Variants in TUBGCP3 observed in about 807,000 individuals in gnomAD.
The protein encoded by TUBGCP3 is tubulin gamma complex component 3, also known as gamma-tubulin complex component 3.
Under a neutral mutation model 123.1 loss-of-function variants are expected in TUBGCP3, and 50 were observed. The observed-to-expected ratio is 0.41, with a 90% confidence interval of 0.32 to 0.51. The LOEUF is 0.51. Among genes scored for constraint, TUBGCP3 ranks in the 20% least tolerant of loss-of-function variants. The pLI, the probability that TUBGCP3 is intolerant of heterozygous loss-of-function variation, is 0.36. For synonymous variants in TUBGCP3, 405 were observed against 413.9 expected (o/e 0.98, Z 0.26); for missense variants, 882 against 1,127.0 (o/e 0.78, Z 3.11).
chr13:112,568,635 C>G (rs1337836815), intron 2 of TUBGCP3, among the ~76,000 whole-genome samples: 1 of 152,252 alleles, frequency 6.6e-6, no homozygotes, highest in Non-Finnish European at 1.5e-5. Flanking sequence ...AACGGGGAGG[C>G]CCCAGCAGGG....
In TUBGCP3 at chr13:112,581,187, TCA is replaced by T. The variant is rs564673107; in HGVS notation, c.76+6716_76+6717del. Among the ~76,000 whole-genome samples, 21 of 152,128 alleles carry T rather than the reference TCA, an allele frequency of 1.4e-4. No homozygotes were observed. In the East Asian group the frequency reaches 4.1e-3, roughly 29 times the overall value. The stretch of plus-strand genomic sequence containing the variant: ...TCTCTTCTCCACATCCTCTAAGGAC[TCA>T]CACCCCCCCATCTTTCTGTCCCTAT... On this transcript the variant is annotated intron_variant, in intron 1 of 21. Transcript: ENST00000261965.
At chr13:112,489,517 C>T (rs1311193797) in intron 21 of TUBGCP3, 64 bp downstream of exon 21, 3 of 1,172,366 alleles carry the variant, frequency 2.6e-6, no homozygotes, top group African/African-American at 1.5e-5. Context: ...ACTGTGAAAG[C>T]AACTGTCAGG....
At chr13:112,593,039 T>C (rs1882909437), upstream of TUBGCP3, among the ~76,000 whole-genome samples, 1 of 152,108 alleles carries the variant, frequency 6.6e-6, no homozygotes, top group African/African-American at 2.4e-5. Context: ...AGAAAGAGAT[T>C]AAAGGAATAG....
chr13:112,582,395 G>A (rs1305907517), intron 1 of TUBGCP3, among the ~76,000 whole-genome samples: 1 of 152,232 alleles, frequency 6.6e-6, no homozygotes, highest in Non-Finnish European at 1.5e-5. Context: ...TGTGATAAGA[G>A]CGTCAAAGAA....
upstream of TUBGCP3, among the ~76,000 whole-genome samples, chr13:112,588,692 G>T (rs1034068802): frequency 1.8e-4 from 28 of 152,154 alleles, 2 homozygotes; most frequent in Admixed American, 1.2e-3. Flanking sequence ...CCGAGAAAAA[G>T]ATCGATAAGC....
At chr13:112,512,030 C>T (rs1022982490) in intron 17 of TUBGCP3, among the ~76,000 whole-genome samples, 1 of 152,224 alleles carries the variant, frequency 6.6e-6, no homozygotes, top group African/African-American at 2.4e-5. Context: ...ATTATCATTA[C>T]ATTTTAGACA....
At chr13:112,521,763 G>A in intron 14 of TUBGCP3, 1 of 985,384 alleles carries the variant, frequency 1.0e-6, no homozygotes, top group Non-Finnish European at 1.2e-6. Flanking sequence ...GGATGCTCAT[G>A]CCCAGGCTCA....
chr13:112,564,654 G>GA (rs1196718692), intron 3 of TUBGCP3, among the ~76,000 whole-genome samples: 94 of 142,298 alleles, frequency 6.6e-4, no homozygotes, highest in African/African-American at 2.3e-3. Context: ...CGTCTCAAAA[G>GA]AAAAAAAAAA....
intron 20 of TUBGCP3, among the ~76,000 whole-genome samples, chr13:112,491,915 TG>T (rs1183505562): frequency 6.6e-6 from 1 of 152,262 alleles, no homozygotes; most frequent in East Asian, 1.9e-4. Flanking sequence ...TTTCATTATG[TG>T]GGTTTAACCC....
rs375143540 is a variant in TUBGCP3, at chr13:112,542,020, C to T, written c.1335+3679G>A. ...AATTATAATGGATGATAAGAAGATA[C>T]ACCTCAAAACTGAGAACAGTAACAC... On this transcript the variant is annotated intron_variant, in intron 11 of 21. Coordinates refer to ENST00000261965, the MANE Select transcript of TUBGCP3 (RefSeq NM_006322.6). 1.1e-4 allele frequency among the ~76,000 whole-genome samples: 16 copies of T among 152,296 alleles called. No individual in the cohort carries two copies. The South Asian group carries it at 3.3e-3, about 32-fold the overall frequency.
chr13:112,512,942 C>G (rs759730261), intron 17 of TUBGCP3, among the ~76,000 whole-genome samples: 18 of 152,184 alleles, frequency 1.2e-4, no homozygotes, highest in Non-Finnish European at 2.5e-4. Context: ...CTATTAGAAC[C>G]TGACTACGTA....
intron 2 of TUBGCP3, among the ~76,000 whole-genome samples, chr13:112,567,999 A>G (rs933513611): frequency 1.3e-5 from 2 of 151,572 alleles, no homozygotes; most frequent in Non-Finnish European, 2.9e-5. Flanking sequence ...GGACTTCTAA[A>G]AGATGTTACT....
At chr13:112,488,474 G>A (rs556497689) in intron 21 of TUBGCP3, among the ~76,000 whole-genome samples, 2 of 152,330 alleles carry the variant, frequency 1.3e-5, no homozygotes, top group South Asian at 2.1e-4. Context: ...GCTGGCTGCC[G>A]GCCCCTCACC....
intron 20 of TUBGCP3, 21 bp from the exon 21 acceptor site, chr13:112,489,718 A>G: frequency 5.7e-6 from 9 of 1,588,076 alleles, no homozygotes; most frequent in Non-Finnish European, 6.9e-6. Context: ...AAAAGTACCA[A>G]ATGTCAGTAA....
chr13:112,540,758 A>T (rs1298980992), intron 11 of TUBGCP3, among the ~76,000 whole-genome samples: 2 of 152,242 alleles, frequency 1.3e-5, no homozygotes, highest in Non-Finnish European at 2.9e-5. Flanking sequence ...ACACCTGGGA[A>T]TGTTTTGCAT....
Position 112,510,259 on chromosome 13 carries a change from C to T in TUBGCP3, c.2087-5545G>A, listed in dbSNP as rs369475336. On this transcript the variant is annotated intron_variant, in intron 17 of 21. Transcript: ENST00000261965. ...CTTAAGGACTTGTTCAGGCACCTTC[C>T]GCCAGAACCCCCTCACATGCGGAGA... Among the ~76,000 whole-genome samples, 5 of 152,166 alleles carry T rather than the reference C, an allele frequency of 3.3e-5. No individual in the cohort carries two copies. In the East Asian group the frequency reaches 9.6e-4, roughly 29 times the overall value.
At chr13:112,532,928 T>C (rs1877704966) in intron 11 of TUBGCP3, among the ~76,000 whole-genome samples, 1 of 152,250 alleles carries the variant, frequency 6.6e-6, no homozygotes, top group Non-Finnish European at 1.5e-5. Context: ...ATGTTAGACT[T>C]AGAGGCAGCT....
At chr13:112,535,868 C>T (rs756736734) in intron 11 of TUBGCP3, among the ~76,000 whole-genome samples, 1 of 152,180 alleles carries the variant, frequency 6.6e-6, no homozygotes. Context: ...AGATTTACCA[C>T]TATATCTTCT....
the TUBGCP3 span, among the ~76,000 whole-genome samples, chr13:112,600,991 C>T: frequency 6.6e-6 from 1 of 151,938 alleles, no homozygotes; most frequent in African/African-American, 2.4e-5. Flanking sequence ...GGTTCAAGAC[C>T]AGCCTGGCCA....
Sources: allele counts gnomAD v4.1 joint callset (sites outside exome capture counted in the v4.1 genomes callset), GRCh38; gene constraint gnomAD v4.1.1; transcripts MANE v1.5; gene names NCBI Gene and HGNC (gene_info 2026-07-23, HGNC 2026-07-21).